SYT6: variants seen among roughly 807,000 people sequenced by gnomAD.
SYT6 encodes synaptotagmin-6.
In SYT6, 24 loss-of-function variants were observed where a neutral mutation model predicts 38.4. The observed-to-expected ratio is 0.62, with a 90% CI of 0.45 to 0.88. The LOEUF (loss-of-function observed/expected upper bound fraction) is 0.88. Among genes scored for constraint, SYT6 ranks in the 40% least tolerant of loss-of-function variants. SYT6 has a pLI of 0.00. For synonymous variants in SYT6, 265 were observed against 241.9 expected (o/e 1.10, Z -0.89); for missense variants, 611 against 621.0 (o/e 0.98, Z 0.17).
In SYT6 at chr1:114,092,499, C is replaced by T. The variant is rs550087521; in HGVS notation, c.*52-417G>A. ...TTACTGCCAAGAACCCATGGTCATG[C>T]ATTATTAGCAATTTGTCTGGGAGCT... On this transcript the variant is annotated intron_variant, in intron 7 of 7. Transcript: ENST00000610222. 3.9e-5 allele frequency among the ~76,000 whole-genome samples: 6 copies of T among 152,270 alleles called. No homozygotes were observed. The South Asian group carries it at 1.2e-3, about 32-fold the overall frequency.
rs541742806 is a variant in SYT6, at chr1:114,124,756, C to T, written c.1071+12739G>A. ...CTCCCCAACCCAGGAAGAGGCAGGA[C>T]GCATGGAGAGAGCCCCTGTTAGCCA... On this transcript the variant is annotated intron_variant, in intron 3 of 7. Coordinates refer to ENST00000610222, the MANE Select transcript of SYT6 (RefSeq NM_001253772.2). Among the ~76,000 whole-genome samples, 179 of 152,282 alleles carry T rather than the reference C, an allele frequency of 1.2e-3. 1 individual carries two copies. The highest frequency in any genetic ancestry group is 2.3e-3 in the Non-Finnish European group (157 of 68,030).
At chr1:114,133,946 A>G (rs1678326647) in intron 3 of SYT6, among the ~76,000 whole-genome samples, 1 of 150,556 alleles carries the variant, frequency 6.6e-6, no homozygotes. Context: ...CAAATGTTTC[A>G]GGCTTTGGTA....
chr1:114,099,023 C>T, intron 5 of SYT6, 71 bp downstream of exon 5: 2 of 1,495,554 alleles, frequency 1.3e-6, no homozygotes, highest in Non-Finnish European at 1.8e-6. Context: ...GGTCTAAGGT[C>T]AAGGAGCCCT....
At chr1:114,092,369 A>T (rs939883841) in intron 7 of SYT6, among the ~76,000 whole-genome samples, 4 of 148,014 alleles carry the variant, frequency 2.7e-5, no homozygotes, top group Admixed American at 6.7e-5. Flanking sequence ...TGTGTGTGTG[A>T]GAATGAGGTG....
At chr1:114,140,822 T>A (rs1571894647) in intron 1 of SYT6, among the ~76,000 whole-genome samples, 1 of 152,242 alleles carries the variant, frequency 6.6e-6, no homozygotes, top group East Asian at 1.9e-4. Flanking sequence ...ACATTTTGTG[T>A]CTGTCACGTT....
intron 6 of SYT6, among the ~76,000 whole-genome samples, 184 bp downstream of exon 6, chr1:114,097,543 T>G (rs1032844592): frequency 2.0e-5 from 3 of 152,232 alleles, no homozygotes; most frequent in African/African-American, 7.2e-5. Context: ...CCAGGGGCTT[T>G]GTGTTGGCAG....
intron 3 of SYT6, among the ~76,000 whole-genome samples, chr1:114,111,607 C>T (rs1197492960): frequency 6.6e-6 from 1 of 152,254 alleles, no homozygotes; most frequent in Non-Finnish European, 1.5e-5. Flanking sequence ...CTGTCACCCC[C>T]TCTTGGGTCA....
intron 1 of SYT6, among the ~76,000 whole-genome samples, chr1:114,147,980 AGG>A (rs1679240603): frequency 2.0e-5 from 3 of 152,328 alleles, no homozygotes; most frequent in Non-Finnish European, 4.4e-5. Flanking sequence ...TCCAGATCAG[AGG>A]ACAAAGAATC....
chr1:114,153,800 GC>G lies in SYT6; in HGVS notation c.-29del. The stretch of plus-strand genomic sequence containing the variant: ...CCTAGACACCCAGGCTTGCCGAGCA[GC>G]AGCTCGAACCCGCGCCCCGGCCGCA... On this transcript the variant is annotated 5_prime_UTR_variant, in exon 1 of 8. Coordinates refer to ENST00000610222, the MANE Select transcript of SYT6 (RefSeq NM_001253772.2). 1 of 635,572 alleles carries G rather than the reference GC, an allele frequency of 1.6e-6. No homozygotes were observed. Among genetic ancestry groups the G allele is most frequent in the South Asian group, 1.7e-5 (1 of 58,418 alleles). 39.4% of individuals were successfully genotyped at this position (635,572 alleles called of 1,614,324 possible).
intron 1 of SYT6, among the ~76,000 whole-genome samples, chr1:114,144,636 A>G (rs1679060952): frequency 6.6e-6 from 1 of 152,232 alleles, no homozygotes; most frequent in Non-Finnish European, 1.5e-5. Context: ...ATTAGCTCTC[A>G]TTTCAATTAA....
chr1:114,133,565 G>C (rs898355304), intron 3 of SYT6, among the ~76,000 whole-genome samples: 3 of 152,228 alleles, frequency 2.0e-5, no homozygotes, highest in Non-Finnish European at 4.4e-5. Context: ...GGAATGCCCA[G>C]GAGACTATCA....
At chr1:114,095,352 T>G (rs1223316610) in intron 6 of SYT6, among the ~76,000 whole-genome samples, 1 of 152,228 alleles carries the variant, frequency 6.6e-6, no homozygotes, top group East Asian at 1.9e-4. Context: ...TTTGGCTTAA[T>G]TAGGTTATAT....
chr1:114,148,717 C>T (rs1679284636), intron 1 of SYT6, among the ~76,000 whole-genome samples: 1 of 151,948 alleles, frequency 6.6e-6, no homozygotes, highest in Non-Finnish European at 1.5e-5. Flanking sequence ...ACATAGTGAG[C>T]ATTATGCCCT....
At chr1:114,128,454 C>A (rs986600982) in intron 3 of SYT6, among the ~76,000 whole-genome samples, 3 of 152,210 alleles carry the variant, frequency 2.0e-5, no homozygotes, top group Non-Finnish European at 4.4e-5. Flanking sequence ...ATGGAACCAG[C>A]CTCTTGGCAT....
At chr1:114,148,569 G>A (rs904935975) in intron 1 of SYT6, among the ~76,000 whole-genome samples, 2 of 152,212 alleles carry the variant, frequency 1.3e-5, no homozygotes, top group Non-Finnish European at 2.9e-5. Flanking sequence ...AGAGGCCAGG[G>A]AGCAAGTGAC....
In SYT6 at chr1:114,153,811, C is replaced by T. The variant is rs946748160; in HGVS notation, c.-39G>A. ...AGGCTTGCCGAGCAGCAGCTCGAAC[C>T]CGCGCCCCGGCCGCACTGGGGCGGG... On this transcript the variant is annotated 5_prime_UTR_variant, in exon 1 of 8. Transcript: ENST00000610222. The T allele has an allele frequency of 8.2e-6, 5 of 608,452 alleles. No homozygotes were observed. The highest frequency in any genetic ancestry group is 5.9e-5 in the African/African-American group (3 of 50,906). 37.7% of individuals were successfully genotyped at this position (608,452 alleles called of 1,614,324 possible).
intron 3 of SYT6, among the ~76,000 whole-genome samples, chr1:114,108,863 T>G (rs764450762): frequency 2.0e-5 from 3 of 152,174 alleles, no homozygotes; most frequent in Non-Finnish European, 4.4e-5. Context: ...ACTTCTAGTC[T>G]CTTAGTCATT....
chr1:114,122,313 G>A (rs1472181455), intron 3 of SYT6, among the ~76,000 whole-genome samples: 5 of 152,164 alleles, frequency 3.3e-5, no homozygotes, highest in Non-Finnish European at 5.9e-5. Flanking sequence ...AGGTCTCCTC[G>A]AAATTCTTTT....
intron 1 of SYT6, among the ~76,000 whole-genome samples, chr1:114,150,294 A>G (rs1679378438): frequency 6.6e-6 from 1 of 152,222 alleles, no homozygotes; most frequent in African/African-American, 2.4e-5. Context: ...GAAAACTTCT[A>G]GAACTATAAA....
Sources: gnomAD v4.1 joint callset for allele counts (sites outside exome capture counted in the v4.1 genomes callset) on GRCh38, gnomAD v4.1.1 for gene constraint, MANE v1.5 for transcripts, NCBI Gene and HGNC (gene_info 2026-07-23, HGNC 2026-07-21) for gene names.